TTLL11: variants seen among roughly 807,000 people sequenced by gnomAD.
TTLL11 encodes the protein tubulin tyrosine ligase like 11.
TTLL11 carries 42 observed loss-of-function variants against 51.7 expected under a neutral mutation model. The observed-to-expected ratio is 0.81, with a 90% CI of 0.64 to 1.05. TTLL11 has a LOEUF of 1.05. Ranked by LOEUF, TTLL11 falls within the 50% of genes least tolerant of loss-of-function variation. TTLL11 has a pLI of 0.00. For missense variants in TTLL11, 799 were observed against 940.4 expected (o/e 0.85, Z 1.97); for synonymous variants, 381 against 383.5 (o/e 0.99, Z 0.08).
At chr9:121,845,884 C>G (rs1837501588) in intron 8 of TTLL11, among the ~76,000 whole-genome samples, 1 of 152,078 alleles carries the variant, frequency 6.6e-6, no homozygotes, top group Non-Finnish European at 1.5e-5. Flanking sequence ...CAGTGAATAG[C>G]AAGCTGTTAC....
At chr9:121,993,659 G>A (rs1195443535) in intron 3 of TTLL11, among the ~76,000 whole-genome samples, 1 of 152,216 alleles carries the variant, frequency 6.6e-6, no homozygotes, top group Non-Finnish European at 1.5e-5. Flanking sequence ...TATAAGAGGA[G>A]GAGATTTGGG....
intron 2 of TTLL11, among the ~76,000 whole-genome samples, chr9:122,033,182 G>A (rs1844603311): frequency 6.6e-6 from 1 of 151,356 alleles, no homozygotes; most frequent in Admixed American, 6.6e-5. Flanking sequence ...GCACGATCTT[G>A]GCTTACTGCA....
chr9:121,839,378 T>C (rs1837286052), intron 8 of TTLL11, among the ~76,000 whole-genome samples: 2 of 152,196 alleles, frequency 1.3e-5, no homozygotes, highest in Admixed American at 1.3e-4. Context: ...ATATCAGACA[T>C]GCCTAAGTTC....
intron 1 of TTLL11, among the ~76,000 whole-genome samples, chr9:122,053,064 A>G (rs1401610860): frequency 1.3e-5 from 2 of 152,230 alleles, no homozygotes; most frequent in East Asian, 3.8e-4. Context: ...GCAGAGAGGA[A>G]GAGTCCCCAG....
chr9:122,082,079 A>G (rs1477783978), intron 1 of TTLL11, among the ~76,000 whole-genome samples: 1 of 152,240 alleles, frequency 6.6e-6, no homozygotes, highest in Non-Finnish European at 1.5e-5. Context: ...CAGATATGCA[A>G]AAACAGGCAG....
At chr9:121,957,818 G>T (rs1291903657) in intron 6 of TTLL11, among the ~76,000 whole-genome samples, 1 of 152,200 alleles carries the variant, frequency 6.6e-6, no homozygotes, top group African/African-American at 2.4e-5. Context: ...GGGGGTGGGG[G>T]TCGTTGTGGA....
chr9:121,870,599 T>C lies in TTLL11; in HGVS notation c.1631A>G (p.Asn544Ser). ...CATCCTGTCCACCAGGCGCAGGTAGTTGAACTGTTTTGCGTACTTGGGGAA... is the reference window on the plus strand; with the variant it reads ...CATCCTGTCCACCAGGCGCAGGTAGCTGAACTGTTTTGCGTACTTGGGGAA... ...QVFPKYAKQF[N>S]YLRLVDRMAN... Residue 544 changes from asparagine (N) to serine (S), a missense_variant, in exon 7 of 9, where the codon AAC becomes AGC. Asn to Ser is a conservative substitution (Grantham distance 46). Coordinates refer to ENST00000321582, the MANE Select transcript of TTLL11 (RefSeq NM_001139442.2). 1 of 1,551,630 alleles carries C rather than the reference T, an allele frequency of 6.4e-7. No homozygotes were observed. The highest frequency in any genetic ancestry group is 8.7e-7 in the Non-Finnish European group (1 of 1,146,976).
At position 121,819,620 on chromosome 9, in the gene TTLL11, G is replaced by C. The variant is rs922628163; in HGVS notation, c.*2967C>G. Among the ~76,000 whole-genome samples, 2 of 152,174 alleles carry C rather than the reference G, an allele frequency of 1.3e-5. No individual in the cohort carries two copies. The highest frequency in any genetic ancestry group is 6.5e-5 in the Admixed American group (1 of 15,278). ...TCAGGAGGAGCGGGAAGGGGCAAGA[G>C]AGCGGGAGGGAGAAGACGCTGGAGA... On this transcript the variant is annotated 3_prime_UTR_variant, in exon 9 of 9. Transcript: ENST00000321582.
At chr9:121,911,324 G>A (rs1840109659) in intron 6 of TTLL11, among the ~76,000 whole-genome samples, 1 of 152,162 alleles carries the variant, frequency 6.6e-6, no homozygotes. Flanking sequence ...TTGAACCCAG[G>A]ACGTGGAGGT....
At chr9:121,843,432 A>T (rs1209964076) in intron 8 of TTLL11, among the ~76,000 whole-genome samples, 8 of 152,056 alleles carry the variant, frequency 5.3e-5, no homozygotes, top group African/African-American at 1.9e-4. Flanking sequence ...AGACAGTGTG[A>T]GGCTCAACCT....
At chr9:121,848,709 G>A (rs1173525956) in intron 8 of TTLL11, among the ~76,000 whole-genome samples, 1 of 152,070 alleles carries the variant, frequency 6.6e-6, no homozygotes, top group Non-Finnish European at 1.5e-5. Context: ...GAGAATATGT[G>A]CAAGATCTAT....
chr9:122,001,063 C>A (rs1004091598), intron 3 of TTLL11, among the ~76,000 whole-genome samples: 2 of 151,852 alleles, frequency 1.3e-5, no homozygotes, highest in African/African-American at 4.8e-5. Context: ...TTCTTCAGTA[C>A]CTTGTTTGTG....
chr9:121,932,895 T>G (rs73662533), intron 6 of TTLL11, among the ~76,000 whole-genome samples: 13,326 of 152,156 alleles, frequency 0.088, 940 homozygotes, highest in African/African-American at 0.19. Context: ...GTCTCATTAA[T>G]GACAAAATGC....
At chr9:121,826,245 T>G (rs1836763154) in intron 8 of TTLL11, among the ~76,000 whole-genome samples, 1 of 126,008 alleles carries the variant, frequency 7.9e-6, no homozygotes, top group Admixed American at 8.3e-5. Context: ...CACGCACATA[T>G]ATATGGGTTA....
intron 6 of TTLL11, among the ~76,000 whole-genome samples, chr9:121,922,359 G>T (rs78520132): frequency 4.3e-4 from 65 of 152,230 alleles, no homozygotes; most frequent in African/African-American, 1.5e-3. Flanking sequence ...CATCACCTCA[G>T]GTGTCAATGT....
At position 121,860,449 on chromosome 9, in the gene TTLL11, A is replaced by C; in HGVS notation, c.1734-6T>G. The C allele has an allele frequency of 6.5e-7, 1 of 1,550,142 alleles. No homozygotes were observed. The highest frequency in any genetic ancestry group is 8.7e-7 in the Non-Finnish European group (1 of 1,146,624). ...TGCTGCTGAGTTTGCAGCTCCTGCC[A>C]ACAATGGGAAGTGACATGTCACTGC... On this transcript the variant is annotated splice_polypyrimidine_tract_variant and splice_region_variant and intron_variant, in intron 7 of 8. Coordinates refer to ENST00000321582, the MANE Select transcript of TTLL11 (RefSeq NM_001139442.2).
intron 1 of TTLL11, among the ~76,000 whole-genome samples, chr9:122,074,874 C>T (rs1394285973): frequency 6.6e-6 from 1 of 150,858 alleles, no homozygotes; most frequent in East Asian, 1.9e-4. Flanking sequence ...GACAGCAAGA[C>T]ACCCTGGTCT....
At chr9:121,895,288 GTGTT>G (rs1393280074) in intron 6 of TTLL11, among the ~76,000 whole-genome samples, 4 of 151,900 alleles carry the variant, frequency 2.6e-5, no homozygotes, top group Non-Finnish European at 4.4e-5. Flanking sequence ...ATGTTTGTGT[GTGTT>G]TGTGTAGCTG....
At chr9:121,964,949 C>G (rs972041184) in intron 6 of TTLL11, among the ~76,000 whole-genome samples, 5 of 152,166 alleles carry the variant, frequency 3.3e-5, no homozygotes, top group Non-Finnish European at 5.9e-5. Flanking sequence ...GATATTGATG[C>G]GTGGGTCTTG....
Sources: allele counts gnomAD v4.1 joint callset (sites outside exome capture counted in the v4.1 genomes callset), GRCh38; gene constraint gnomAD v4.1.1; transcripts MANE v1.5; gene names NCBI Gene and HGNC (gene_info 2026-07-23, HGNC 2026-07-21).